ADK: variants seen among roughly 807,000 people sequenced by gnomAD.
ADK encodes the protein N6,N6-dimethyladenosine kinase.
Under a neutral mutation model 44.7 loss-of-function variants are expected in ADK, and 24 were observed. The ratio of observed to expected loss-of-function variants is 0.54; its 90% CI spans 0.39 to 0.76. The LOEUF is 0.76. ADK is among the 30% of genes least tolerant of loss of function. The probability of loss-of-function intolerance (pLI) is 0.00; values close to 1 mark genes in which losing one functional copy is unlikely to be tolerated. For synonymous variants in ADK, 128 were observed against 142.6 expected (o/e 0.90, Z 0.73); for missense variants, 321 against 425.1 (o/e 0.76, Z 2.15).
chr10:74,649,084 G>A (rs1854160786), intron 9 of ADK, among the ~76,000 whole-genome samples: 1 of 152,158 alleles, frequency 6.6e-6, no homozygotes, highest in South Asian at 2.1e-4. Context: ...GGGAGGCTGA[G>A]GCAGGAGAAT....
chr10:74,256,888 GA>G (rs1845843915), intron 3 of ADK, among the ~76,000 whole-genome samples: 1 of 152,138 alleles, frequency 6.6e-6, no homozygotes, highest in Non-Finnish European at 1.5e-5. Flanking sequence ...GACATTTATA[GA>G]AAATTTTTTA....
At chr10:74,327,010 A>T (rs1428471872) in intron 4 of ADK, among the ~76,000 whole-genome samples, 5 of 151,188 alleles carry the variant, frequency 3.3e-5, no homozygotes, top group East Asian at 1.9e-4. Context: ...TATCTTTTGT[A>T]TGTTTTTTAG....
intron 6 of ADK, among the ~76,000 whole-genome samples, chr10:74,517,377 AG>A (rs1443285802): frequency 6.6e-6 from 1 of 152,056 alleles, no homozygotes; most frequent in Non-Finnish European, 1.5e-5. Flanking sequence ...TGAAGTTGGG[AG>A]TATTTTAATC....
intron 4 of ADK, among the ~76,000 whole-genome samples, chr10:74,392,536 G>T (rs961812149): frequency 5.3e-5 from 8 of 152,126 alleles, no homozygotes; most frequent in Non-Finnish European, 1.0e-4. Context: ...TTAGAAGTTT[G>T]TTATATATTC....
chr10:74,319,221 T>G (rs1840731269), intron 4 of ADK, among the ~76,000 whole-genome samples: 1 of 152,242 alleles, frequency 6.6e-6, no homozygotes, highest in Non-Finnish European at 1.5e-5. Flanking sequence ...TATATGATTT[T>G]GAATAAGTTC....
At position 74,356,002 on chromosome 10, in the gene ADK, ATTTTTTT is replaced by A. The variant is rs34454856; in HGVS notation, c.274-38118_274-38112del. ...TCTGAAATATTTCACTAAATAATTC[ATTTTTTT>A]TTTTTTTTTTTTTTTTTTTTGAGAC... On this transcript the variant is annotated intron_variant, in intron 4 of 10. Coordinates refer to ENST00000539909, the MANE Select transcript of ADK (RefSeq NM_006721.4). 9.8e-4 allele frequency among the ~76,000 whole-genome samples: 82 copies of A among 83,312 alleles called. 2 individuals carry two copies. Among genetic ancestry groups the A allele is most frequent in the African/African-American group, 3.2e-3 (63 of 19,622 alleles). The allele number at this position is 83,312 out of a possible 152,430, so 54.7% of individuals were successfully genotyped here. A position where few individuals can be genotyped will look rare whatever the true frequency, so the allele number is the denominator to read the frequency against.
intron 6 of ADK, among the ~76,000 whole-genome samples, chr10:74,479,668 G>T (rs1589152926): frequency 6.6e-6 from 1 of 151,722 alleles, no homozygotes. Flanking sequence ...TTTTGGAAAG[G>T]TTTATATTTC....
intron 9 of ADK, among the ~76,000 whole-genome samples, chr10:74,618,709 T>A (rs1042183257): frequency 6.6e-6 from 1 of 152,256 alleles, no homozygotes; most frequent in East Asian, 1.9e-4. Flanking sequence ...TCTTTTGGAT[T>A]CTCTTATTTT....
At chr10:74,566,950 A>C (rs961200467) in intron 7 of ADK, among the ~76,000 whole-genome samples, 6 of 152,212 alleles carry the variant, frequency 3.9e-5, no homozygotes, top group African/African-American at 1.2e-4. Flanking sequence ...GTTTTGCTTA[A>C]CGAGACCTCC....
intron 10 of ADK, among the ~76,000 whole-genome samples, chr10:74,692,989 G>A (rs1294579333): frequency 6.6e-6 from 1 of 152,194 alleles, no homozygotes; most frequent in Non-Finnish European, 1.5e-5. Flanking sequence ...ATGGGCTGGA[G>A]CTGTGGCGCA....
intron 9 of ADK, among the ~76,000 whole-genome samples, chr10:74,652,799 A>C (rs1162525665): frequency 6.6e-6 from 1 of 151,880 alleles, no homozygotes; most frequent in Non-Finnish European, 1.5e-5. Flanking sequence ...GATGGAACCC[A>C]GTATGCTAGT....
chr10:74,250,134 A>G (rs1845593012), intron 3 of ADK, among the ~76,000 whole-genome samples: 7 of 152,200 alleles, frequency 4.6e-5, no homozygotes, highest in Admixed American at 4.6e-4. Flanking sequence ...GGCCCTGAAA[A>G]AAATTCAGTC....
intron 10 of ADK, 55 bp downstream of exon 10, chr10:74,670,324 T>A: frequency 1.5e-6 from 2 of 1,339,416 alleles, no homozygotes; most frequent in Middle Eastern, 3.6e-4. Flanking sequence ...TAACCCTTGT[T>A]TCTACCATAT....
chr10:74,219,084 A>C (rs1844182427), intron 2 of ADK, among the ~76,000 whole-genome samples: 2 of 152,188 alleles, frequency 1.3e-5, no homozygotes, highest in South Asian at 4.1e-4. Context: ...AAATTGGATA[A>C]AGAGTCAAGA....
chr10:74,547,784 G>A lies in ADK; in HGVS notation c.726+22358G>A, dbSNP rs557815885. Among the ~76,000 whole-genome samples the A allele has an allele frequency of 3.9e-5, 6 of 151,908 alleles. No homozygotes were observed. In the South Asian group the frequency reaches 6.3e-4, roughly 16 times the overall value. On this transcript the variant is annotated intron_variant, in intron 7 of 10. Transcript: ENST00000539909. ...AGCAATTCTCCTGCCTCAGCCTCCC[G>A]AATAGCTGGGATTACAGGCATGTGC...
intron 9 of ADK, among the ~76,000 whole-genome samples, chr10:74,660,290 G>A (rs564229168): frequency 6.6e-6 from 1 of 151,952 alleles, no homozygotes; most frequent in African/African-American, 2.4e-5. Context: ...CACCACACCT[G>A]GCTAGTTTTT....
rs565249570 is a variant in ADK at position 74,157,750 on chromosome 10, G to A, written c.65+6407G>A. Among the ~76,000 whole-genome samples the A allele has an allele frequency of 1.6e-4, 24 of 151,946 alleles. No homozygotes were observed. In the South Asian group the frequency reaches 5.0e-3, roughly 32 times the overall value. On this transcript the variant is annotated intron_variant, in intron 1 of 10. Transcript: ENST00000539909. ...AAAAAAAAAAATACAAAATTAGCTGGATGTGGTGGTCCATGCCTATAATCC... is the reference window on the plus strand; with the variant it reads ...AAAAAAAAAAATACAAAATTAGCTGAATGTGGTGGTCCATGCCTATAATCC...
At chr10:74,213,281 A>C (rs1024101334) in intron 2 of ADK, among the ~76,000 whole-genome samples, 12 of 152,154 alleles carry the variant, frequency 7.9e-5, no homozygotes, top group Non-Finnish European at 1.5e-4. Flanking sequence ...CTAATTAAAA[A>C]AAAATTTGTT....
At chr10:74,509,622 T>G (rs1259478201) in intron 6 of ADK, 1 of 152,210 alleles carries the variant, frequency 6.6e-6, no homozygotes, top group East Asian at 1.9e-4. Flanking sequence ...TTTAAACTAT[T>G]TAATATATTT....
Sources: gnomAD v4.1 joint callset for allele counts (sites outside exome capture counted in the v4.1 genomes callset) on GRCh38, gnomAD v4.1.1 for gene constraint, MANE v1.5 for transcripts, NCBI Gene and HGNC (gene_info 2026-07-23, HGNC 2026-07-21) for gene names.